The following STXBP5 variants were observed in gnomAD, a reference collection of about 807,000 sequenced individuals.
The protein encoded by STXBP5 is syntaxin binding protein 5, also known as syntaxin-binding protein 5.
In STXBP5, 50 loss-of-function variants were observed where a neutral mutation model predicts 152.4. The observed-to-expected ratio is 0.33, with a 90% CI of 0.26 to 0.42. STXBP5 has a LOEUF of 0.42. Ranked by LOEUF, STXBP5 falls within the 10% of genes least tolerant of loss-of-function variation. The pLI, the probability that STXBP5 is intolerant of heterozygous loss-of-function variation, is 1.00. For missense variants in STXBP5, 1,167 were observed against 1,388.6 expected (o/e 0.84, Z 2.54); for synonymous variants, 492 against 494.7 (o/e 0.99, Z 0.07).
intron 2 of STXBP5, among the ~76,000 whole-genome samples, chr6:147,231,972 G>T (rs1778029035): frequency 6.6e-6 from 1 of 151,834 alleles, no homozygotes; most frequent in African/African-American, 2.4e-5. Context: ...TCCACTGTCA[G>T]GGAACATTTA....
chr6:147,358,732 T>C (rs1784922596), intron 22 of STXBP5, among the ~76,000 whole-genome samples: 1 of 152,114 alleles, frequency 6.6e-6, no homozygotes. Flanking sequence ...GAGAAAAGAA[T>C]GTTATTAAGA....
At chr6:147,344,782 A>T (rs1784246331) in intron 21 of STXBP5, among the ~76,000 whole-genome samples, 2 of 132,994 alleles carry the variant, frequency 1.5e-5, no homozygotes. Context: ...TTTTGCAAGG[A>T]TACAATTCAT....
At chr6:147,314,184 C>G in intron 12 of STXBP5, 80 bp from the exon 13 acceptor site, 1 of 850,794 alleles carries the variant, frequency 1.2e-6, no homozygotes, top group Non-Finnish European at 1.7e-6. Flanking sequence ...GGATTATTTA[C>G]ACACACACAC....
chr6:147,205,399 G>A (rs570857007), intron 1 of STXBP5, among the ~76,000 whole-genome samples: 1 of 126,516 alleles, frequency 7.9e-6, no homozygotes, highest in African/African-American at 3.3e-5. Flanking sequence ...TATATATATA[G>A]GTCTAATGCC....
At chr6:147,254,706 G>A (rs1425476203) in intron 4 of STXBP5, among the ~76,000 whole-genome samples, 6 of 151,980 alleles carry the variant, frequency 3.9e-5, no homozygotes, top group East Asian at 1.9e-4. Context: ...GCCAACAAAC[G>A]TATGAAAAAA....
intron 19 of STXBP5, among the ~76,000 whole-genome samples, chr6:147,337,605 T>C (rs1386400141): frequency 6.6e-6 from 1 of 152,056 alleles, no homozygotes; most frequent in Non-Finnish European, 1.5e-5. Flanking sequence ...CTGCTATTTC[T>C]TTGATATGAA....
chr6:147,312,488 A>G (rs1334048986), intron 11 of STXBP5, among the ~76,000 whole-genome samples: 1 of 151,906 alleles, frequency 6.6e-6, no homozygotes, highest in African/African-American at 2.4e-5. Context: ...CCCTTCTCCC[A>G]CCCAGAGAAT....
Position 147,328,372 on chromosome 6 carries a change from C to G in STXBP5, c.2080+1096C>G, listed in dbSNP as rs576898002. Among the ~76,000 whole-genome samples, 3 of 152,278 alleles carry G rather than the reference C, an allele frequency of 2.0e-5. No homozygotes were observed. In the South Asian group the frequency reaches 6.2e-4, roughly 32 times the overall value. On this transcript the variant is annotated intron_variant, in intron 18 of 27. Transcript: ENST00000321680. The stretch of plus-strand genomic sequence containing the variant: ...AGAATACCAGTGTGTATTGAAACAC[C>G]GTTTGGGAAGCTCTGGTCTGTACTT...
chr6:147,250,633 A>AT (rs1238795942), intron 4 of STXBP5, among the ~76,000 whole-genome samples: 2 of 152,102 alleles, frequency 1.3e-5, no homozygotes, highest in Admixed American at 6.6e-5. Flanking sequence ...ACCTATATCC[A>AT]TCCCACCTCT....
At chr6:147,287,448 C>T (rs941123367) in intron 8 of STXBP5, among the ~76,000 whole-genome samples, 7 of 151,766 alleles carry the variant, frequency 4.6e-5, no homozygotes, top group African/African-American at 9.7e-5. Context: ...GTGATCCGCC[C>T]GCCTCGGCCT....
chr6:147,307,552 T>C (rs77028180), intron 9 of STXBP5, among the ~76,000 whole-genome samples: 1 of 152,130 alleles, frequency 6.6e-6, no homozygotes, highest in East Asian at 1.9e-4. Flanking sequence ...ATGACTAATT[T>C]CTTTTTTAAG....
intron 6 of STXBP5, among the ~76,000 whole-genome samples, chr6:147,264,650 G>C (rs1779802108): frequency 1.3e-5 from 2 of 152,054 alleles, no homozygotes; most frequent in African/African-American, 4.8e-5. Flanking sequence ...AGAAAAATTA[G>C]ACGGGAATTA....
chr6:147,272,917 G>T lies in STXBP5; in HGVS notation c.715-5164G>T, dbSNP rs186602775. Among the ~76,000 whole-genome samples the T allele has an allele frequency of 1.7e-3, 255 of 151,906 alleles. 1 individual carries two copies. The highest frequency in any genetic ancestry group is 9.1e-3 in the South Asian group (44 of 4,810). On this transcript the variant is annotated intron_variant, in intron 7 of 27. Coordinates refer to ENST00000321680, the MANE Select transcript of STXBP5 (RefSeq NM_001127715.4). ...ACAAACTCTACTCTACTCTCCCCTG[G>T]TTGTGTCTCAATGATAGATTTTGTG...
intron 4 of STXBP5, among the ~76,000 whole-genome samples, chr6:147,242,839 A>G (rs1778616651): frequency 6.6e-6 from 1 of 152,136 alleles, no homozygotes; most frequent in Non-Finnish European, 1.5e-5. Flanking sequence ...GTGACACATG[A>G]CTGTCATTGG....
At position 147,235,316 on chromosome 6, in the gene STXBP5, G is replaced by C; in HGVS notation, c.315G>C (p.Gln105His). The stretch of plus-strand genomic sequence containing the variant: ...GTGGAGCTGCAGTAATCCAGCTCCA[G>C]TTCCTGATTAATGAGGTTAGTGAAT... ...HDSGAAVIQL[Q>H]FLINEGALVS... Residue 105 changes from glutamine to histidine, a missense_variant, in exon 3 of 28, where the codon CAG (glutamine) becomes CAC (histidine). This residue lies in a region of STXBP5 where 310 missense variants were observed against 346.1 expected (regional missense o/e 0.90). Coordinates refer to ENST00000321680, the MANE Select transcript of STXBP5 (RefSeq NM_001127715.4). 5 of 1,612,642 alleles carry C rather than the reference G, an allele frequency of 3.1e-6. No homozygotes were observed. The highest frequency in any genetic ancestry group is 4.2e-6 in the Non-Finnish European group (5 of 1,179,050).
At chr6:147,324,617 G>C (rs1326694378) in intron 16 of STXBP5, among the ~76,000 whole-genome samples, 1 of 151,768 alleles carries the variant, frequency 6.6e-6, no homozygotes, top group African/African-American at 2.4e-5. Context: ...AACTTGATTT[G>C]TTTTTCTCTT....
chr6:147,273,640 C>G (rs1450214403), intron 7 of STXBP5, among the ~76,000 whole-genome samples: 2 of 151,984 alleles, frequency 1.3e-5, no homozygotes, highest in Non-Finnish European at 2.9e-5. Flanking sequence ...AGTCTCAAGA[C>G]CATCAGAAGC....
At chr6:147,324,071 A>G (rs1783077992) in intron 16 of STXBP5, among the ~76,000 whole-genome samples, 1 of 152,086 alleles carries the variant, frequency 6.6e-6, no homozygotes, top group African/African-American at 2.4e-5. Context: ...TCCAGCAATT[A>G]TTAAAAAAGA....
intron 18 of STXBP5, among the ~76,000 whole-genome samples, chr6:147,333,660 T>G (rs572239729): frequency 1.3e-5 from 2 of 152,376 alleles, no homozygotes; most frequent in Admixed American, 1.3e-4. Flanking sequence ...AATGTTACTT[T>G]GAAAGCTTTC....
Sources: gnomAD v4.1 joint callset for allele counts (sites outside exome capture counted in the v4.1 genomes callset) on GRCh38, gnomAD v4.1.1 for gene constraint, gnomAD v4.1.1 regional missense constraint, MANE v1.5 for transcripts, NCBI Gene and HGNC (gene_info 2026-07-23, HGNC 2026-07-21) for gene names.